Variants in TCF3 observed in about 807,000 individuals in gnomAD.
The protein encoded by TCF3 is transcription factor 3.
In TCF3, 54 loss-of-function variants were observed where a neutral mutation model predicts 72.3. The ratio of observed to expected loss-of-function variants is 0.75; its 90% confidence interval spans 0.60 to 0.94. TCF3 has a LOEUF of 0.94. Among genes scored for constraint, TCF3 ranks in the 40% least tolerant of loss-of-function variants. The probability of loss-of-function intolerance (pLI) is 0.00; values close to 1 mark genes in which losing one functional copy is unlikely to be tolerated. For missense variants in TCF3, 1,078 were observed against 934.4 expected (o/e 1.15, Z -2.00); for synonymous variants, 525 against 412.6 (o/e 1.27, Z -3.30).
chr19:1,611,346 T>C lies in TCF3; in HGVS notation c.*361A>G, dbSNP rs1390667178. 2.5e-6 allele frequency: 1 copy of C among 397,984 alleles called. No homozygotes were observed. Among genetic ancestry groups the C allele is most frequent in the Non-Finnish European group, 4.4e-6 (1 of 225,710 alleles). The allele number at this position is 397,984 out of a possible 1,614,324, so 24.7% of individuals were successfully genotyped here. ...CTTCTCTGACAAAGTGTATGTTTTG[T>C]TGCTTGCTTTCAGGTTTTGTTTACT... is the stretch of plus-strand genomic sequence containing the variant. On this transcript the variant is annotated 3_prime_UTR_variant, in exon 19 of 19. Transcript: ENST00000262965.
At chr19:1,625,154 T>C (rs1202857689) in intron 7 of TCF3, among the ~76,000 whole-genome samples, 1 of 152,214 alleles carries the variant, frequency 6.6e-6, no homozygotes, top group Non-Finnish European at 1.5e-5. Context: ...GCGACTGTGC[T>C]GCCTGGAATG....
In TCF3 at chr19:1,652,398, G is replaced by A. The variant is rs1298597233; in HGVS notation, c.-138C>T. 1 of 140,210 alleles carries A rather than the reference G, an allele frequency of 7.1e-6. No homozygotes were observed. Among genetic ancestry groups the A allele is most frequent in the Non-Finnish European group, 1.6e-5 (1 of 63,770 alleles). The allele number at this position is 140,210 out of a possible 1,614,324, so 8.7% of individuals were successfully genotyped here. On this transcript the variant is annotated 5_prime_UTR_variant, in exon 1 of 19. Coordinates refer to ENST00000262965, the MANE Select transcript of TCF3 (RefSeq NM_003200.5). ...AAAGGTGCGTCGCGGCCGGGCCCCC[G>A]AGGGTCGCGCGTGGGCGGCGGCGGC... is the stretch of plus-strand genomic sequence containing the variant.
chr19:1,623,799 C>T (rs1038823332), intron 8 of TCF3, 152 bp downstream of exon 8: 20 of 722,584 alleles, frequency 2.8e-5, no homozygotes, highest in African/African-American at 1.4e-4. Flanking sequence ...GAGGCGGCCT[C>T]GGGTCAGAGC....
At chr19:1,626,522 G>A (rs1317199494) in intron 6 of TCF3, among the ~76,000 whole-genome samples, 1 of 152,044 alleles carries the variant, frequency 6.6e-6, no homozygotes, top group Non-Finnish European at 1.5e-5. Flanking sequence ...CCCAGGACAG[G>A]GCCTTCTCCC....
At chr19:1,612,993 G>A (rs1197814980) in intron 18 of TCF3, among the ~76,000 whole-genome samples, 1 of 150,698 alleles carries the variant, frequency 6.6e-6, no homozygotes, top group East Asian at 2.0e-4. Context: ...TGGTGCTGCT[G>A]TGGGCAGCAG....
At chr19:1,620,716 T>TA (rs1208959267) in intron 13 of TCF3, among the ~76,000 whole-genome samples, 1 of 152,126 alleles carries the variant, frequency 6.6e-6, no homozygotes, top group African/African-American at 2.4e-5. Context: ...CTGCCTCCAC[T>TA]AGGCAGCTTT....
At chr19:1,637,546 A>G (rs1482064829) in intron 3 of TCF3, among the ~76,000 whole-genome samples, 2 of 152,106 alleles carry the variant, frequency 1.3e-5, no homozygotes, top group African/African-American at 4.8e-5. Context: ...TCTTGCTTCC[A>G]TGTCTATGGG....
In TCF3 at chr19:1,615,363, T is replaced by C. The variant is rs2061442526; in HGVS notation, c.1744A>G (p.Ser582Gly). Residue 582 changes from serine (S) to glycine (G), a missense_variant, in exon 18 of 19, where the codon AGC becomes GGC. Coordinates refer to ENST00000262965, the MANE Select transcript of TCF3 (RefSeq NM_003200.5). The surrounding 1 kb of genome is among the most constrained non-coding windows in gnomAD (Gnocchi z 7.3). ...LGRMCQLHLN[S>G]EKPQTKLLIL... ...AGCAGTTTGGTCTGGGGCTTCTCGC[T>C]GTTGAGGTGCAGTTGGCACATGCGC... The C allele has an allele frequency of 6.2e-7, 1 of 1,613,896 alleles. No individual in the cohort carries two copies. The highest frequency in any genetic ancestry group is 8.5e-7 in the Non-Finnish European group (1 of 1,179,822).
intron 3 of TCF3, 48 bp downstream of exon 3, chr19:1,646,307 C>T: frequency 6.5e-7 from 1 of 1,535,364 alleles, no homozygotes; most frequent in Non-Finnish European, 8.8e-7. Flanking sequence ...TTCAACAGAC[C>T]CTTGATCTCC....
chr19:1,612,396 G>A, intron 18 of TCF3: 4 of 1,613,828 alleles, frequency 2.5e-6, no homozygotes, highest in African/African-American at 1.3e-5. Context: ...CGGTCCCTCA[G>A]GTCTTTCTCC....
intron 3 of TCF3, among the ~76,000 whole-genome samples, chr19:1,643,863 A>T (rs1040383609): frequency 8.5e-5 from 13 of 152,344 alleles, no homozygotes; most frequent in Middle Eastern, 3.4e-3. Context: ...GAGGTGACTT[A>T]AAAGGGAGCT....
Position 1,615,531 on chromosome 19 carries a change from G to A in TCF3, c.1587-11C>T. On this transcript the variant is annotated splice_polypyrimidine_tract_variant and intron_variant, in intron 17 of 18. Transcript: ENST00000262965. This position sits in a 1 kb window ranked among gnomAD's most constrained non-coding sequence, Gnocchi z 7.3. ...TCGTCCTCGTCTGGGCTATGGGGAG[G>A]GCGCCGGGAGGGGGCCAGAGGGAGA... 1.2e-6 allele frequency: 2 copies of A among 1,605,934 alleles called. No individual in the cohort carries two copies. The highest frequency in any genetic ancestry group is 4.5e-5 in the East Asian group (2 of 44,870).
chr19:1,611,932 G>GGC (rs1270640974), intron 18 of TCF3, 83 bp from the exon 19 acceptor site: 20 of 190,556 alleles, frequency 1.0e-4, no homozygotes, highest in Non-Finnish European at 1.7e-4. Context: ...TAGGATGTCG[G>GGC]GGGGGGGGGT....
intron 13 of TCF3, among the ~76,000 whole-genome samples, chr19:1,620,249 G>A (rs373460397): frequency 1.3e-5 from 2 of 152,266 alleles, no homozygotes; most frequent in South Asian, 2.1e-4. Flanking sequence ...GTGAAGTGAG[G>A]GTTCCTGGCG....
intron 3 of TCF3, among the ~76,000 whole-genome samples, chr19:1,644,190 G>A (rs1024943612): frequency 5.3e-5 from 8 of 152,208 alleles, no homozygotes; most frequent in African/African-American, 9.6e-5. Context: ...CGCACCCATC[G>A]ACTCGCTGAA....
chr19:1,627,754 A>G (rs958625602), intron 5 of TCF3, among the ~76,000 whole-genome samples: 1 of 151,662 alleles, frequency 6.6e-6, no homozygotes, highest in Non-Finnish European at 1.5e-5. Context: ...GTGGGGCGGA[A>G]AGGGGACAGC....
intron 2 of TCF3, among the ~76,000 whole-genome samples, chr19:1,646,971 T>A (rs1380573923): frequency 2.0e-5 from 3 of 152,114 alleles, no homozygotes; most frequent in African/African-American, 7.2e-5. Context: ...TAGGGCCCAG[T>A]GTCCCCCTAC....
At chr19:1,618,306 C>G (rs2061760602) in intron 16 of TCF3, among the ~76,000 whole-genome samples, 1 of 152,148 alleles carries the variant, frequency 6.6e-6, no homozygotes, top group Non-Finnish European at 1.5e-5. Flanking sequence ...TCCAAGGCCC[C>G]TGGACCAGCC....
rs2145679058 is a variant in TCF3 at position 1,610,777 on chromosome 19, A to G, written c.*930T>C. 2 of 231,870 alleles carry G rather than the reference A, an allele frequency of 8.6e-6. No individual in the cohort carries two copies. Among genetic ancestry groups the G allele is most frequent in the South Asian group, 3.6e-4 (2 of 5,494 alleles). The allele number at this position is 231,870 out of a possible 1,614,324, so 14.4% of individuals were successfully genotyped here. ...CCAGGTCAGTCCCCTTCCTGAGGGG[A>G]GAGGATGCGGCAGGGAAGCCCCAAG... On this transcript the variant is annotated 3_prime_UTR_variant, in exon 19 of 19. Coordinates refer to ENST00000262965, the MANE Select transcript of TCF3 (RefSeq NM_003200.5).
Sources: allele counts gnomAD v4.1 joint callset (sites outside exome capture counted in the v4.1 genomes callset), GRCh38; gene constraint gnomAD v4.1.1; non-coding constraint Gnocchi (gnomAD v3.1); transcripts MANE v1.5; gene names NCBI Gene and HGNC (gene_info 2026-07-23, HGNC 2026-07-21).